NOTCH2: variants seen among roughly 807,000 people sequenced by gnomAD.
NOTCH2 encodes neurogenic locus notch homolog protein 2.
In NOTCH2, 29 loss-of-function variants were observed where a neutral mutation model predicts 235.8. The observed-to-expected ratio is 0.12, with a 90% CI of 0.09 to 0.17. The LOEUF is 0.17. Among genes scored for constraint, NOTCH2 ranks in the 10% least tolerant of loss-of-function variants. The pLI, the probability that NOTCH2 is intolerant of heterozygous loss-of-function variation, is 1.00. For missense variants in NOTCH2, 2,285 were observed against 3,150.2 expected, an observed-to-expected ratio of 0.73 and a Z score of 6.57; for synonymous variants, 1,086 against 1,141.5, an observed-to-expected ratio of 0.95 and a Z score of 0.98.
At chr1:120,003,661 C>T (rs372914471) in intron 3 of NOTCH2, among the ~76,000 whole-genome samples, 4,433 of 150,132 alleles carry the variant, frequency 0.03, no homozygotes, top group East Asian at 0.12. Context: ...AAGCTCAGAC[C>T]CACCTAGAAA....
At chr1:119,938,503 A>G (rs1649944437) in intron 19 of NOTCH2, among the ~76,000 whole-genome samples, 1 of 152,216 alleles carries the variant, frequency 6.6e-6, no homozygotes, top group African/African-American at 2.4e-5. Context: ...GGTCAAGTCA[A>G]GGAATAAATG....
Position 119,916,537 on chromosome 1 carries a change from A to G in NOTCH2, c.6185T>C (p.Leu2062Pro). Residue 2062 changes from leucine to proline, a missense_variant, in exon 34 of 34, where the codon CTG becomes CCG. By Grantham distance (98) the Leu-to-Pro change is moderately conservative. Around this residue, in one of 6 missense-constraint regions of NOTCH2, gnomAD observed 504 missense variants for 538.0 expected, o/e 0.94. Coordinates refer to ENST00000256646, the MANE Select transcript of NOTCH2 (RefSeq NM_024408.4). ...DRMHHDIVRL[L>P]DEYNVTPSPP... ...GCTTGGGGTCACATTGTATTCATCC[A>G]GAAGGCGCACAATGTCATGGTGCAT... The G allele has an allele frequency of 6.2e-7, 1 of 1,613,804 alleles. No homozygotes were observed. Among genetic ancestry groups the G allele is most frequent in the Non-Finnish European group, 8.5e-7 (1 of 1,179,668 alleles).
At chr1:120,067,364 C>T (rs1342078384) in intron 1 of NOTCH2, among the ~76,000 whole-genome samples, 1 of 151,522 alleles carries the variant, frequency 6.6e-6, no homozygotes, top group African/African-American at 2.4e-5. Flanking sequence ...TACCTAAAAG[C>T]TAGCTAATAA....
At chr1:119,922,955 C>A (rs1313793349) in intron 26 of NOTCH2, among the ~76,000 whole-genome samples, 177 bp from the exon 27 acceptor site, 2 of 152,210 alleles carry the variant, frequency 1.3e-5, no homozygotes, top group Admixed American at 1.3e-4. Context: ...AATACTGTCC[C>A]TTGAGATCTT....
chr1:119,926,670 TCAA>T, intron 23 of NOTCH2, 59 bp from the exon 24 acceptor site: 4 of 1,398,384 alleles, frequency 2.9e-6, no homozygotes, highest in Non-Finnish European at 3.0e-6. Flanking sequence ...TGCAAGTTAC[TCAA>T]CAAACTTTGC....
intron 5 of NOTCH2, among the ~76,000 whole-genome samples, 179 bp downstream of exon 5, chr1:119,986,776 GTGAAC>G (rs1314791990): frequency 6.6e-6 from 1 of 152,096 alleles, no homozygotes; most frequent in Admixed American, 6.6e-5. Context: ...ATGTCTTTGA[GTGAAC>G]ATAGGAAAAT....
In NOTCH2 at chr1:119,917,668, G is replaced by A. The variant is rs1265824460; in HGVS notation, c.6024C>T (p.Asn2008=). ...GCTCAGAGCCCACAAACTGTACCTT[G>A]TTGTCCTGCATGTCTCGGTTGGCCC... ...KNGANRDMQD[N]KEETPLFLAA... is the part of the protein sequence containing the mutation. Residue 2008 remains asparagine (N), a synonymous_variant, in exon 33 of 34, where the codon AAC becomes AAT. Transcript: ENST00000256646. The A allele has an allele frequency of 3.1e-6, 5 of 1,607,996 alleles. No individual in the cohort carries two copies. The Middle Eastern group carries it at 8.3e-4, about 266-fold the overall frequency.
intron 3 of NOTCH2, among the ~76,000 whole-genome samples, chr1:120,000,713 C>A (rs1652715741): frequency 1.3e-5 from 2 of 149,884 alleles, no homozygotes; most frequent in Admixed American, 1.3e-4. Flanking sequence ...TGGGTATATG[C>A]CCCCCTACTT....
chr1:119,914,004 A>C lies in NOTCH2; in HGVS notation c.*1302T>G, dbSNP rs1648978257. On this transcript the variant is annotated 3_prime_UTR_variant, in exon 34 of 34. Transcript: ENST00000256646. ...ACACGGACCACACGGTGTGAAAGAA[A>C]GATTGGTGAGCAGGCCTTTAAGCAG... is the stretch of plus-strand genomic sequence containing the variant. 4.3e-6 allele frequency: 1 copy of C among 233,010 alleles called. No individual in the cohort carries two copies. The highest frequency in any genetic ancestry group is 1.8e-4 in the South Asian group (1 of 5,522). 14.4% of individuals were successfully genotyped at this position (233,010 alleles called of 1,614,324 possible).
intron 5 of NOTCH2, among the ~76,000 whole-genome samples, chr1:119,985,036 A>G (rs1377541822): frequency 1.3e-5 from 2 of 152,184 alleles, no homozygotes; most frequent in Admixed American, 1.3e-4. Flanking sequence ...TGCAGTATGT[A>G]CAGGAAAACT....
intron 22 of NOTCH2, among the ~76,000 whole-genome samples, chr1:119,931,250 A>C (rs1023825668): frequency 6.6e-6 from 1 of 152,200 alleles, no homozygotes; most frequent in African/African-American, 2.4e-5. Context: ...AAATTACCAA[A>C]GATAAAATAC....
chr1:119,967,166 T>C (rs1213752629), intron 8 of NOTCH2, among the ~76,000 whole-genome samples: 2 of 152,212 alleles, frequency 1.3e-5, no homozygotes, highest in African/African-American at 4.8e-5. Context: ...CAGTAAATCA[T>C]TTTTGAAATT....
chr1:119,948,826 G>C (rs1209016465), intron 16 of NOTCH2, among the ~76,000 whole-genome samples, 181 bp downstream of exon 16: 1 of 152,104 alleles, frequency 6.6e-6, no homozygotes, highest in Non-Finnish European at 1.5e-5. Context: ...CCGAAGACAA[G>C]GACAATGGAA....
intron 12 of NOTCH2, among the ~76,000 whole-genome samples, chr1:119,958,714 A>ATATGTG (rs1491196783): frequency 4.0e-5 from 6 of 149,748 alleles, no homozygotes; most frequent in African/African-American, 1.5e-4. Flanking sequence ...GAGAGAGAAG[A>ATATGTG]TGTGTGTGTG....
intron 26 of NOTCH2, among the ~76,000 whole-genome samples, chr1:119,923,022 C>A (rs113302878): frequency 3.9e-5 from 6 of 152,328 alleles, no homozygotes; most frequent in African/African-American, 1.2e-4. Flanking sequence ...CTGACCAAAG[C>A]CTTCTGGCTG....
intron 5 of NOTCH2, among the ~76,000 whole-genome samples, chr1:119,974,039 G>A (rs1651468894): frequency 6.6e-6 from 1 of 152,120 alleles, no homozygotes; most frequent in South Asian, 2.1e-4. Flanking sequence ...ACATAGAAGG[G>A]ATTAAAAGCA....
At chr1:119,940,185 A>T (rs587686264) in intron 19 of NOTCH2, among the ~76,000 whole-genome samples, 21 of 152,366 alleles carry the variant, frequency 1.4e-4, no homozygotes, top group African/African-American at 4.8e-4. Flanking sequence ...TTAAACACTT[A>T]GATGTTGCAT....
chr1:120,034,388 C>A (rs1654226965), intron 1 of NOTCH2, among the ~76,000 whole-genome samples: 1 of 110,206 alleles, frequency 9.1e-6, no homozygotes, highest in African/African-American at 4.0e-5. Flanking sequence ...TCAATCTCAT[C>A]ACTCCATCAT....
At position 120,063,264 on chromosome 1, in the gene NOTCH2, GC is replaced by G. The variant is rs1655378381; in HGVS notation, c.73+6069del. On this transcript the variant is annotated intron_variant, in intron 1 of 33. Transcript: ENST00000256646. The stretch of plus-strand genomic sequence containing the variant: ...GCCCAGAAACCCCAAAAGCAGGACT[GC>G]CAGAAATGAGTGACCTTTATATCTC... Among the ~76,000 whole-genome samples, 3 of 152,226 alleles carry G rather than the reference GC, an allele frequency of 2.0e-5. No individual in the cohort carries two copies. In the South Asian group the frequency reaches 6.2e-4, roughly 32 times the overall value.
Sources: allele counts gnomAD v4.1 joint callset (sites outside exome capture counted in the v4.1 genomes callset), GRCh38; gene constraint gnomAD v4.1.1; regional missense constraint gnomAD v4.1.1; transcripts MANE v1.5; gene names NCBI Gene and HGNC (gene_info 2026-07-23, HGNC 2026-07-21).